SLC7A7: variants seen among roughly 807,000 people sequenced by gnomAD.
SLC7A7 encodes the protein Y+L amino acid transporter 1.
In SLC7A7, 39 loss-of-function variants were observed where a neutral mutation model predicts 47.9. That is an observed-to-expected ratio of 0.81 (90% CI 0.63 to 1.06). The LOEUF is 1.06. SLC7A7 is among the 50% of genes least tolerant of loss of function. SLC7A7 has a pLI of 0.00. For missense variants in SLC7A7, 588 were observed against 632.0 expected, an observed-to-expected ratio of 0.93 and a Z score of 0.75; for synonymous variants, 234 against 242.8, an observed-to-expected ratio of 0.96 and a Z score of 0.34.
chr14:22,794,168 C>A (rs1398692888), intron 2 of SLC7A7, among the ~76,000 whole-genome samples: 1 of 152,218 alleles, frequency 6.6e-6, no homozygotes, highest in African/African-American at 2.4e-5. Context: ...CGGTCTCCCG[C>A]ACAGCCGGCT....
At chr14:22,774,669 C>CTCT (rs2038560858) in intron 7 of SLC7A7, among the ~76,000 whole-genome samples, 166 bp from the exon 8 acceptor site, 1 of 152,182 alleles carries the variant, frequency 6.6e-6, no homozygotes, top group Non-Finnish European at 1.5e-5. Context: ...CTTATCCCCT[C>CTCT]TCTTATAAGT....
intron 2 of SLC7A7, among the ~76,000 whole-genome samples, chr14:22,795,398 CTT>C (rs529921307): frequency 1.4e-5 from 1 of 73,492 alleles, no homozygotes; most frequent in Non-Finnish European, 2.6e-5. Flanking sequence ...TTCTTTCTTT[CTT>C]TCTTTCTTTC....
chr14:22,808,189 AT>A (rs1050297280), intron 2 of SLC7A7, among the ~76,000 whole-genome samples: 3 of 151,606 alleles, frequency 2.0e-5, no homozygotes, highest in African/African-American at 7.3e-5. Flanking sequence ...AAGTTGCCCC[AT>A]TTGCTCTTAT....
intron 2 of SLC7A7, 153 bp from the exon 3 acceptor site, chr14:22,780,204 C>T: frequency 1.1e-6 from 1 of 902,628 alleles, no homozygotes; most frequent in Non-Finnish European, 1.7e-6. Flanking sequence ...ACCCTCGGGG[C>T]CCCAGAATGT....
chr14:22,779,465 TTGG>T (rs1566443180), intron 3 of SLC7A7, among the ~76,000 whole-genome samples: 1 of 109,060 alleles, frequency 9.2e-6, no homozygotes, highest in East Asian at 2.0e-4. Flanking sequence ...TTTTTTTTTT[TTGG>T]GGGGGGGACA....
chr14:22,776,611 T>C (rs1302057274), intron 4 of SLC7A7, among the ~76,000 whole-genome samples: 1 of 152,108 alleles, frequency 6.6e-6, no homozygotes, highest in Non-Finnish European at 1.5e-5. Flanking sequence ...GGCAGGGAGA[T>C]GGCTCGAGTC....
intron 2 of SLC7A7, among the ~76,000 whole-genome samples, chr14:22,794,083 T>C (rs1594964041): frequency 6.6e-6 from 1 of 152,232 alleles, no homozygotes; most frequent in Non-Finnish European, 1.5e-5. Context: ...TGGCTTCCCC[T>C]GACCCACCAA....
intron 2 of SLC7A7, among the ~76,000 whole-genome samples, chr14:22,783,400 A>G (rs1594952505): frequency 7.1e-6 from 1 of 141,086 alleles, no homozygotes; most frequent in East Asian, 2.1e-4. Flanking sequence ...TTGCTTCTCT[A>G]CTTCTTTTTT....
chr14:22,799,110 A>AT (rs1198055372), intron 2 of SLC7A7, among the ~76,000 whole-genome samples: 1 of 152,166 alleles, frequency 6.6e-6, no homozygotes, highest in Non-Finnish European at 1.5e-5. Context: ...CTGAAATTTC[A>AT]TTGCCTTAGG....
intron 2 of SLC7A7, among the ~76,000 whole-genome samples, chr14:22,787,240 A>G (rs1326856605): frequency 6.6e-6 from 1 of 151,972 alleles, no homozygotes; most frequent in Non-Finnish European, 1.5e-5. Flanking sequence ...GTTTGAGACC[A>G]GGTTGGCCAA....
intron 2 of SLC7A7, among the ~76,000 whole-genome samples, chr14:22,792,026 G>A (rs1274160917): frequency 2.6e-5 from 4 of 152,028 alleles, no homozygotes; most frequent in Non-Finnish European, 5.9e-5. Flanking sequence ...TAGTACAGAC[G>A]GGGTTTCACC....
rs751281035 is a variant in SLC7A7, at chr14:22,813,440, C to T, written c.-42G>A. ...CCCTTCACCAGCTTCCTGGCATTGC[C>T]CTTTAAGGAAGAAAGATGATGCTAT... is the stretch of plus-strand genomic sequence containing the variant. On this transcript the variant is annotated splice_region_variant and 5_prime_UTR_variant, in exon 2 of 10. Coordinates refer to ENST00000674313, the MANE Select transcript of SLC7A7 (RefSeq NM_003982.4). 3 of 1,602,570 alleles carry T rather than the reference C, an allele frequency of 1.9e-6. No homozygotes were observed.
upstream of SLC7A7, among the ~76,000 whole-genome samples, chr14:22,818,708 C>A (rs2039439480): frequency 6.6e-6 from 1 of 151,850 alleles, no homozygotes; most frequent in African/African-American, 2.4e-5. Context: ...GTTCTCCTGC[C>A]TCAGCCTCCC....
At chr14:22,794,363 T>C (rs1451591984) in intron 2 of SLC7A7, among the ~76,000 whole-genome samples, 5 of 152,142 alleles carry the variant, frequency 3.3e-5, no homozygotes, top group Non-Finnish European at 7.4e-5. Context: ...AGCACTTTGG[T>C]CCCTGTGGCT....
intron 2 of SLC7A7, among the ~76,000 whole-genome samples, chr14:22,795,435 TTTC>T (rs1340220363): frequency 1.3e-4 from 15 of 119,112 alleles, no homozygotes; most frequent in African/African-American, 4.5e-4. Flanking sequence ...TCTTTCTTTC[TTTC>T]TTTCTTTTCT....
chr14:22,778,615 T>C (rs145315284), intron 4 of SLC7A7, among the ~76,000 whole-genome samples, 178 bp downstream of exon 4: 1 of 152,378 alleles, frequency 6.6e-6, no homozygotes, highest in East Asian at 1.9e-4. Context: ...GTTCATATTT[T>C]AGCCCTGTTA....
At chr14:22,776,145 C>T (rs1594945117) in intron 5 of SLC7A7, 50 bp downstream of exon 5, 6 of 1,613,368 alleles carry the variant, frequency 3.7e-6, no homozygotes, top group Non-Finnish European at 5.1e-6. Flanking sequence ...CAGAATATAC[C>T]CAGTACCCCA....
intron 4 of SLC7A7, among the ~76,000 whole-genome samples, chr14:22,776,888 G>GA (rs1439250959): frequency 6.6e-6 from 1 of 151,966 alleles, no homozygotes; most frequent in Non-Finnish European, 1.5e-5. Flanking sequence ...AGAATCACTT[G>GA]AACTCGAGAG....
chr14:22,785,726 CAAAA>C (rs748719657), intron 2 of SLC7A7, among the ~76,000 whole-genome samples: 1 of 52,878 alleles, frequency 1.9e-5, no homozygotes, highest in Non-Finnish European at 4.0e-5. Context: ...AACTCCATCT[CAAAA>C]AAAAAAAAAA....
Sources: allele counts gnomAD v4.1 joint callset (sites outside exome capture counted in the v4.1 genomes callset), GRCh38; gene constraint gnomAD v4.1.1; transcripts MANE v1.5; gene names NCBI Gene and HGNC (gene_info 2026-07-23, HGNC 2026-07-21).